The following ITFG1 variants were observed in gnomAD, a reference collection of about 807,000 sequenced individuals.
The protein encoded by ITFG1 is integrin alpha FG-GAP repeat containing 1, also known as T-cell immunomodulatory protein.
Under a neutral mutation model 81.8 loss-of-function variants are expected in ITFG1, and 34 were observed. The ratio of observed to expected loss-of-function variants is 0.42; its 90% confidence interval spans 0.32 to 0.55. The LOEUF is 0.55. Ranked by LOEUF, ITFG1 falls within the 20% of genes least tolerant of loss-of-function variation. The probability of loss-of-function intolerance (pLI) is 0.17; values close to 1 mark genes in which losing one functional copy is unlikely to be tolerated. For missense variants in ITFG1, 672 were observed against 755.4 expected (o/e 0.89, Z 1.29); for synonymous variants, 285 against 270.6 (o/e 1.05, Z -0.52).
At chr16:47,265,970 A>G (rs1966270413) in intron 10 of ITFG1, among the ~76,000 whole-genome samples, 1 of 152,232 alleles carries the variant, frequency 6.6e-6, no homozygotes, top group Admixed American at 6.5e-5. Context: ...ATTATATCTG[A>G]AAAAGACTTG....
chr16:47,438,136 G>C (rs1321636504), intron 5 of ITFG1, among the ~76,000 whole-genome samples: 2 of 152,236 alleles, frequency 1.3e-5, no homozygotes, highest in Admixed American at 1.3e-4. Context: ...GGCTGGGGTA[G>C]GGGCGCCTGC....
At chr16:47,399,131 T>C (rs1567486474) in intron 6 of ITFG1, among the ~76,000 whole-genome samples, 1 of 152,338 alleles carries the variant, frequency 6.6e-6, no homozygotes, top group East Asian at 1.9e-4. Flanking sequence ...CATCTACTAA[T>C]AGATAATAAA....
intron 6 of ITFG1, among the ~76,000 whole-genome samples, chr16:47,388,256 G>C (rs896982225): frequency 2.0e-5 from 3 of 151,984 alleles, no homozygotes; most frequent in Non-Finnish European, 2.9e-5. Context: ...GTAGAAGTGA[G>C]AGAGAGAGAA....
At chr16:47,329,901 G>C (rs142599418) in intron 8 of ITFG1, among the ~76,000 whole-genome samples, 1 of 152,208 alleles carries the variant, frequency 6.6e-6, no homozygotes. Flanking sequence ...ATATGTGGTA[G>C]TAATTGTTAG....
intron 8 of ITFG1, among the ~76,000 whole-genome samples, chr16:47,319,726 C>T (rs556486389): frequency 6.6e-6 from 1 of 152,234 alleles, no homozygotes; most frequent in Non-Finnish European, 1.5e-5. Context: ...ACAATGAATA[C>T]TAGTGAAGTT....
At chr16:47,455,777 C>CAAAA (rs1325999369) in intron 2 of ITFG1, among the ~76,000 whole-genome samples, 28 of 46,042 alleles carry the variant, frequency 6.1e-4, no homozygotes, top group African/African-American at 7.2e-4. Context: ...CATCCCCCAC[C>CAAAA]AAAAAAAAAA....
chr16:47,335,790 G>T (rs1245297142), intron 8 of ITFG1, among the ~76,000 whole-genome samples: 1 of 152,124 alleles, frequency 6.6e-6, no homozygotes, highest in Non-Finnish European at 1.5e-5. Context: ...GTAACAATAT[G>T]GATAGCCACT....
In ITFG1 at chr16:47,411,826, G is replaced by A. The variant is rs887125526; in HGVS notation, c.655+16978C>T. Among the ~76,000 whole-genome samples the A allele has an allele frequency of 8.5e-5, 13 of 152,262 alleles. 1 individual carries two copies. The East Asian group carries it at 2.1e-3, about 25-fold the overall frequency. ...ACCCTAGTCTCCCCAATCACAGAGC[G>A]CTCTTGCAAATGTAGTCAAACACAA... On this transcript the variant is annotated intron_variant, in intron 6 of 17. Coordinates refer to ENST00000320640, the MANE Select transcript of ITFG1 (RefSeq NM_030790.5).
intron 14 of ITFG1, among the ~76,000 whole-genome samples, chr16:47,180,908 G>C (rs1391304090): frequency 6.6e-6 from 1 of 150,818 alleles, no homozygotes; most frequent in Non-Finnish European, 1.5e-5. Flanking sequence ...GAGCGTCTCT[G>C]CCCGGCTGCC....
At chr16:47,232,754 A>G (rs1965829400) in intron 13 of ITFG1, among the ~76,000 whole-genome samples, 1 of 150,758 alleles carries the variant, frequency 6.6e-6, no homozygotes, top group Admixed American at 6.6e-5. Context: ...GTGATTCTCC[A>G]CCTCAGCCTC....
At chr16:47,327,870 T>G in intron 8 of ITFG1, among the ~76,000 whole-genome samples, 1 of 152,192 alleles carries the variant, frequency 6.6e-6, no homozygotes, top group Non-Finnish European at 1.5e-5. Context: ...CTTACACTGT[T>G]GGTGGGACTG....
At chr16:47,174,559 T>C (rs1422310078) in intron 14 of ITFG1, among the ~76,000 whole-genome samples, 1 of 152,202 alleles carries the variant, frequency 6.6e-6, no homozygotes, top group Admixed American at 6.5e-5. Flanking sequence ...TGCTCTGTCT[T>C]GCCCAGGCTG....
In ITFG1 at chr16:47,279,408, AAAG is replaced by A. The variant is rs1474005194; in HGVS notation, c.1071-18716_1071-18714del. Among the ~76,000 whole-genome samples the A allele has an allele frequency of 8.1e-4, 123 of 152,240 alleles. 1 individual carries two copies. The highest frequency in any genetic ancestry group is 2.8e-3 in the African/African-American group (116 of 41,556). The stretch of plus-strand genomic sequence containing the variant: ...TAAAGACTATCTTTTCTCCATTGAA[AAAG>A]AGACTACACTTCTCTTAAACACCGT... On this transcript the variant is annotated intron_variant, in intron 10 of 17. Transcript: ENST00000320640.
chr16:47,294,813 T>C (rs1469660854), intron 10 of ITFG1, among the ~76,000 whole-genome samples: 1 of 152,134 alleles, frequency 6.6e-6, no homozygotes, highest in Admixed American at 6.5e-5. Context: ...TGAATACAGA[T>C]AGTTTGACTT....
At position 47,260,599 on chromosome 16, in the gene ITFG1, G is replaced by A. The variant is rs760378059; in HGVS notation, c.1167C>T (p.Asp389=). 1 of 1,614,134 alleles carries A rather than the reference G, an allele frequency of 6.2e-7. No individual in the cohort carries two copies. Among genetic ancestry groups the A allele is most frequent in the Non-Finnish European group, 8.5e-7 (1 of 1,180,020 alleles). ...CCATGGCATCCTTAATTTGATTTAG[G>A]TCTGTCAGCTCCCAGTAGACTTTAA... ...RMFKVYWELT[D]LNQIKDAMVA... is the part of the protein sequence containing the mutation. Residue 389 remains aspartate (D), a synonymous_variant, in exon 11 of 18, where the codon GAC becomes GAT. Transcript: ENST00000320640.
chr16:47,408,272 T>G (rs1968754662), intron 6 of ITFG1, among the ~76,000 whole-genome samples: 1 of 152,210 alleles, frequency 6.6e-6, no homozygotes, highest in African/African-American at 2.4e-5. Flanking sequence ...TGTGTGATAT[T>G]AAAGAAATTT....
intron 9 of ITFG1, among the ~76,000 whole-genome samples, chr16:47,313,288 T>C (rs1390692108): frequency 6.6e-6 from 1 of 152,184 alleles, no homozygotes; most frequent in East Asian, 1.9e-4. Context: ...CATTCCCATA[T>C]TAATCCTCCA....
At chr16:47,297,119 T>C (rs1966994397) in intron 10 of ITFG1, among the ~76,000 whole-genome samples, 1 of 152,166 alleles carries the variant, frequency 6.6e-6, no homozygotes, top group African/African-American at 2.4e-5. Flanking sequence ...TGGGTGTATA[T>C]ATATTAGGAT....
At chr16:47,416,665 C>A (rs537980063) in intron 6 of ITFG1, among the ~76,000 whole-genome samples, 1 of 152,066 alleles carries the variant, frequency 6.6e-6, no homozygotes. Context: ...GGCATTCCCC[C>A]CTCTCTCTCT....
Sources: gnomAD v4.1 joint callset for allele counts (sites outside exome capture counted in the v4.1 genomes callset) on GRCh38, gnomAD v4.1.1 for gene constraint, MANE v1.5 for transcripts, NCBI Gene and HGNC (gene_info 2026-07-23, HGNC 2026-07-21) for gene names.